Variants in PDE4D observed in about 807,000 individuals in gnomAD.
The protein encoded by PDE4D is phosphodiesterase 4D.
Under a neutral mutation model 87.4 loss-of-function variants are expected in PDE4D, and 24 were observed. The ratio of observed to expected loss-of-function variants is 0.27; its 90% confidence interval spans 0.20 to 0.39. The LOEUF is 0.39. Ranked by LOEUF, PDE4D falls within the 10% of genes least tolerant of loss-of-function variation. The pLI, the probability that PDE4D is intolerant of heterozygous loss-of-function variation, is 1.00. For synonymous variants in PDE4D, 384 were observed against 383.2 expected (o/e 1.00, Z -0.02); for missense variants, 714 against 1,041.0 (o/e 0.69, Z 4.32).
At chr5:60,405,170 T>C (rs191194652) in intron 1 of PDE4D, among the ~76,000 whole-genome samples, 604 of 152,314 alleles carry the variant, frequency 4.0e-3, no homozygotes, top group Non-Finnish European at 7.0e-3. Flanking sequence ...AAGAGTAAGG[T>C]GAAAGGGATC....
chr5:59,271,864 A>G (rs1763897796), intron 1 of PDE4D, among the ~76,000 whole-genome samples: 2 of 151,846 alleles, frequency 1.3e-5, no homozygotes, highest in African/African-American at 2.4e-5. Flanking sequence ...TACAATATGC[A>G]AATACAGTGA....
chr5:59,629,701 G>A (rs1462457093), intron 1 of PDE4D, among the ~76,000 whole-genome samples: 1 of 152,166 alleles, frequency 6.6e-6, no homozygotes, highest in Non-Finnish European at 1.5e-5. Context: ...ACTAATACAA[G>A]TGGCAACTTG....
Position 58,975,176 on chromosome 5 carries a change from A to G in PDE4D, c.2014-96T>C, listed in dbSNP as rs929921985. 3 of 650,702 alleles carry G rather than the reference A, an allele frequency of 4.6e-6. No individual in the cohort carries two copies. The African/African-American group carries it at 5.4e-5, about 12-fold the overall frequency. The allele number at this position is 650,702 out of a possible 1,614,324, so 40.3% of individuals were successfully genotyped here. On this transcript the variant is annotated intron_variant, in intron 14 of 14. Transcript: ENST00000340635. This position sits in a 1 kb window ranked among gnomAD's most constrained non-coding sequence, Gnocchi z 4.2. ...TCATGGCCCACAAATAAAACACTGA[A>G]CAGAAGACTACTAAACTTAGTTTGG... is the stretch of plus-strand genomic sequence containing the variant.
intron 1 of PDE4D, among the ~76,000 whole-genome samples, chr5:59,572,455 T>TTTTTG (rs200796607): frequency 1.1e-4 from 16 of 152,040 alleles, no homozygotes; most frequent in South Asian, 8.3e-4. Flanking sequence ...GTACACAGGT[T>TTTTTG]TTTTGTTTTG....
At chr5:59,616,566 C>T (rs298014) in intron 1 of PDE4D, among the ~76,000 whole-genome samples, 131,415 of 152,020 alleles carry the variant, frequency 0.86, 56,855 homozygotes, top group South Asian at 0.93. Flanking sequence ...ATTTCCAAGT[C>T]ACCATATATC....
intron 1 of PDE4D, among the ~76,000 whole-genome samples, chr5:59,814,151 CT>C (rs1283997698): frequency 2.6e-5 from 4 of 152,104 alleles, no homozygotes; most frequent in African/African-American, 9.7e-5. Flanking sequence ...CTTCCTGGCA[CT>C]AGGGGGCGGC....
intron 1 of PDE4D, among the ~76,000 whole-genome samples, chr5:59,285,534 AG>A (rs1311544399): frequency 1.3e-5 from 2 of 152,162 alleles, no homozygotes; most frequent in African/African-American, 4.8e-5. Flanking sequence ...ATTCTCCCAA[AG>A]AAAAAGGAAC....
At chr5:60,075,585 A>T (rs900140116) in intron 2 of PDE4D, among the ~76,000 whole-genome samples, 1 of 152,090 alleles carries the variant, frequency 6.6e-6, no homozygotes, top group South Asian at 2.1e-4. Flanking sequence ...CTCATGGATG[A>T]TATTCTGAAA....
chr5:59,750,996 T>TATTTC (rs1009245910), intron 1 of PDE4D, among the ~76,000 whole-genome samples: 35 of 150,038 alleles, frequency 2.3e-4, no homozygotes, highest in Middle Eastern at 3.5e-3. Flanking sequence ...GAAGACTGTC[T>TATTTC]ATTTCATTCA....
intron 5 of PDE4D, among the ~76,000 whole-genome samples, chr5:59,084,851 C>T (rs908945866): frequency 3.9e-5 from 6 of 151,906 alleles, no homozygotes; most frequent in Non-Finnish European, 5.9e-5. Context: ...ATTCTTGAAG[C>T]TAAATTAATT....
intron 1 of PDE4D, among the ~76,000 whole-genome samples, chr5:60,450,142 T>G (rs919481423): frequency 7.2e-5 from 11 of 151,988 alleles, no homozygotes; most frequent in Admixed American, 2.0e-4. Context: ...GTCATTTTTA[T>G]GAGAAAGAGA....
intron 1 of PDE4D, among the ~76,000 whole-genome samples, chr5:60,379,016 A>C (rs1761651771): frequency 6.6e-6 from 1 of 152,138 alleles, no homozygotes; most frequent in Non-Finnish European, 1.5e-5. Context: ...AGCACCTCCC[A>C]GGCAGCAATA....
chr5:59,703,462 A>G, intron 1 of PDE4D: 1 of 471,342 alleles, frequency 2.1e-6, no homozygotes, highest in South Asian at 1.6e-5. Context: ...AGAACAGATA[A>G]TACATATGTA....
intron 1 of PDE4D, among the ~76,000 whole-genome samples, chr5:59,402,614 T>TAAA (rs1790864090): frequency 8.4e-6 from 1 of 118,940 alleles, no homozygotes; most frequent in Admixed American, 8.3e-5. Context: ...ATTATCATGA[T>TAAA]AATCAACACA....
chr5:60,002,552 T>C (rs558135246), intron 2 of PDE4D, among the ~76,000 whole-genome samples: 2 of 152,170 alleles, frequency 1.3e-5, no homozygotes, highest in South Asian at 4.2e-4. Context: ...TGACAATACA[T>C]TAAAAATATA....
At chr5:60,172,599 T>C (rs988051680) in intron 2 of PDE4D, among the ~76,000 whole-genome samples, 12 of 152,122 alleles carry the variant, frequency 7.9e-5, no homozygotes, top group African/African-American at 2.9e-4. Flanking sequence ...ACAATGCTGT[T>C]GTGATTACAG....
chr5:60,408,084 C>G (rs1741721752), intron 1 of PDE4D, among the ~76,000 whole-genome samples: 1 of 152,146 alleles, frequency 6.6e-6, no homozygotes, highest in Non-Finnish European at 1.5e-5. Flanking sequence ...CGGAGCCATC[C>G]TGATCACCAG....
chr5:60,189,986 C>T (rs1191997142), intron 1 of PDE4D, among the ~76,000 whole-genome samples: 1 of 122,006 alleles, frequency 8.2e-6, no homozygotes, highest in Non-Finnish European at 1.7e-5. Flanking sequence ...TAAATGAAAC[C>T]AAACTTGGCA....
intron 1 of PDE4D, among the ~76,000 whole-genome samples, chr5:59,580,524 T>G (rs1346682189): frequency 6.6e-6 from 1 of 152,070 alleles, no homozygotes. Flanking sequence ...TGGAGTGCAG[T>G]GGCATGATCA....
Sources: allele counts gnomAD v4.1 joint callset (sites outside exome capture counted in the v4.1 genomes callset), GRCh38; gene constraint gnomAD v4.1.1; non-coding constraint Gnocchi (gnomAD v3.1); transcripts MANE v1.5; gene names NCBI Gene and HGNC (gene_info 2026-07-23, HGNC 2026-07-21).